CIDEA: variants seen among roughly 807,000 people sequenced by gnomAD.
CIDEA encodes the protein cell death inducing DFFA like effector a.
Under a neutral mutation model 18.2 loss-of-function variants are expected in CIDEA, and 10 were observed. The ratio of observed to expected loss-of-function variants is 0.55; its 90% CI spans 0.34 to 0.93. The LOEUF is 0.93. Among genes scored for constraint, CIDEA ranks in the 40% least tolerant of loss-of-function variants. CIDEA has a pLI of 0.02. For synonymous variants in CIDEA, 128 were observed against 124.8 expected (o/e 1.03, Z -0.17); for missense variants, 309 against 293.1 (o/e 1.05, Z -0.40).
intron 4 of CIDEA, among the ~76,000 whole-genome samples, chr18:12,275,993 C>CTT (rs149108439): frequency 0.014 from 1,867 of 129,620 alleles, 129 homozygotes; most frequent in African/African-American, 0.03. Flanking sequence ...TTTTTCTTTT[C>CTT]TTATTTTTTT....
rs781075039 is a variant in CIDEA at position 12,274,240 on chromosome 18, G to A, written c.478G>A (p.Asp160Asn). The stretch of plus-strand genomic sequence containing the variant: ...GTATGAGATGTACTCCGTGTCCTAC[G>A]ACATCCGGTGCACGGGACTCAAGGG... ...TMYEMYSVSY[D>N]IRCTGLKGLL... The change falls in exon 4 of 5, where the codon GAC (aspartate) becomes AAC (asparagine). Residue 160 changes from aspartate (D) to asparagine (N), a missense_variant. Transcript: ENST00000320477. The A allele has an allele frequency of 1.2e-5, 20 of 1,614,064 alleles. No homozygotes were observed. The highest frequency in any genetic ancestry group is 2.2e-5 in the East Asian group (1 of 44,896).
rs372096981 is a variant in CIDEA, at chr18:12,277,138, C to T, written c.528C>T (p.Phe176=). ...TCTGCCACAGGAGTCTGCTGCGGTT[C>T]CTGTCCTACTCCGCCCAGGTGACGG... ...LKGLLRSLLR[F]LSYSAQVTGQ... The change falls in exon 5 of 5, where the codon TTC becomes TTT. Residue 176 remains phenylalanine (F), a synonymous_variant. Transcript: ENST00000320477. 2 of 1,614,026 alleles carry T rather than the reference C, an allele frequency of 1.2e-6. No homozygotes were observed. The highest frequency in any genetic ancestry group is 1.7e-6 in the Non-Finnish European group (2 of 1,180,028).
chr18:12,263,935 A>T lies in CIDEA; in HGVS notation c.184-372A>T, dbSNP rs1912267894. 2 of 165,588 alleles carry T rather than the reference A, an allele frequency of 1.2e-5. 1 individual carries two copies. Among genetic ancestry groups the T allele is most frequent in the South Asian group, 4.1e-4 (2 of 4,936 alleles). The allele number at this position is 165,588 out of a possible 1,614,324, so 10.3% of individuals were successfully genotyped here. On this transcript the variant is annotated intron_variant, in intron 2 of 4. Coordinates refer to ENST00000320477, the MANE Select transcript of CIDEA (RefSeq NM_001279.4). ...TCATGTATCTTAAGAAGACAGATCC[A>T]TTAAAAATCTTAACTTCCCGGCCGC...
chr18:12,277,214 A>G lies in CIDEA; in HGVS notation c.604A>G (p.Lys202Glu), dbSNP rs1190651402. 6.2e-7 allele frequency: 1 copy of G among 1,614,060 alleles called. No homozygotes were observed. The highest frequency in any genetic ancestry group is 1.3e-5 in the African/African-American group (1 of 74,912). ...ATACATGCTCCGGGTGCTGGATGAC[A>G]AGGAAGAGCGGCCATCCCTCCGGTC... ...GTYMLRVLDD[K>E]EERPSLRSQA... is the part of the protein sequence containing the mutation. Residue 202 changes from lysine to glutamate, a missense_variant, in exon 5 of 5, where the codon AAG becomes GAG. Physicochemically the swap from Lys to Glu is moderately conservative, Grantham distance 56 (BLOSUM62 1). Coordinates refer to ENST00000320477, the MANE Select transcript of CIDEA (RefSeq NM_001279.4).
intron 3 of CIDEA, among the ~76,000 whole-genome samples, chr18:12,271,670 A>G (rs1225877366): frequency 6.6e-6 from 1 of 152,206 alleles, no homozygotes; most frequent in Admixed American, 6.5e-5. Context: ...GGTCGATGCC[A>G]CGGGTGTAGA....
chr18:12,260,726 G>C (rs938513416), intron 1 of CIDEA, among the ~76,000 whole-genome samples: 1 of 152,218 alleles, frequency 6.6e-6, no homozygotes, highest in African/African-American at 2.4e-5. Flanking sequence ...ATCCGTGCAG[G>C]TGTTCCCTAG....
At chr18:12,264,608 C>G (rs985600222) in intron 3 of CIDEA, among the ~76,000 whole-genome samples, 155 bp downstream of exon 3, 3 of 151,648 alleles carry the variant, frequency 2.0e-5, no homozygotes, top group South Asian at 2.1e-4. Flanking sequence ...GGCTGGAGTG[C>G]AGTGGCGCGA....
chr18:12,258,398 T>G (rs576277935), intron 1 of CIDEA, among the ~76,000 whole-genome samples: 1 of 152,236 alleles, frequency 6.6e-6, no homozygotes, highest in African/African-American at 2.4e-5. Flanking sequence ...GGGCTGGACC[T>G]AGCATTGGAA....
chr18:12,270,838 G>A (rs1489626395), intron 3 of CIDEA, among the ~76,000 whole-genome samples: 1 of 148,820 alleles, frequency 6.7e-6, no homozygotes, highest in Non-Finnish European at 1.5e-5. Context: ...CAAAAATAAT[G>A]CCCCCACAGA....
rs191158032 is a variant in CIDEA, at chr18:12,262,947, G to T, written c.161G>T (p.Ser54Ile). Residue 54 changes from serine to isoleucine, a missense_variant, in exon 2 of 5, where the codon AGC becomes ATC. By Grantham distance (142) the Ser-to-Ile change is moderately radical. Transcript: ENST00000320477. ...AGCCGGCGTGGGGTGATGGCAAGCA[G>T]CCTGCAGGAGCTCATCAGCAAGGTG... is the stretch of plus-strand genomic sequence containing the variant. ...RSSRRGVMAS[S>I]LQELISKTLD... The T allele has an allele frequency of 2.5e-6, 4 of 1,614,138 alleles. No homozygotes were observed. The highest frequency in any genetic ancestry group is 1.7e-5 in the Admixed American group (1 of 60,016).
intron 4 of CIDEA, 116 bp downstream of exon 4, chr18:12,274,390 A>C (rs1236192799): frequency 3.4e-6 from 3 of 879,820 alleles, no homozygotes; most frequent in East Asian, 5.1e-5. Flanking sequence ...TGTTAGGGGC[A>C]GTTGGAGTAA....
At chr18:12,267,537 C>T (rs923473359) in intron 3 of CIDEA, among the ~76,000 whole-genome samples, 2 of 150,864 alleles carry the variant, frequency 1.3e-5, no homozygotes, top group African/African-American at 4.8e-5. Context: ...TTAACGAGGA[C>T]CCCAAACAGC....
intron 3 of CIDEA, among the ~76,000 whole-genome samples, chr18:12,270,935 G>T (rs8083762): frequency 0.029 from 811 of 28,062 alleles, 11 homozygotes; most frequent in African/African-American, 0.092. Context: ...TTTTGCTTTT[G>T]TCGCCCAGGA....
chr18:12,260,342 A>AT (rs918941760), intron 1 of CIDEA, among the ~76,000 whole-genome samples: 8 of 147,728 alleles, frequency 5.4e-5, no homozygotes, highest in Admixed American at 1.4e-4. Context: ...CGCCTGACTA[A>AT]TTTTTTTTTT....
At chr18:12,265,022 A>G (rs953387285) in intron 3 of CIDEA, among the ~76,000 whole-genome samples, 13 of 152,212 alleles carry the variant, frequency 8.5e-5, no homozygotes, top group African/African-American at 2.2e-4. Context: ...GTGAGTAGCT[A>G]CAGATCCTGT....
intron 3 of CIDEA, among the ~76,000 whole-genome samples, chr18:12,266,070 T>A (rs8089520): frequency 0.78 from 118,356 of 151,466 alleles, 50,367 homozygotes; most frequent in Non-Finnish European, 0.95. Flanking sequence ...CCAAAAAAAA[T>A]TTTTTTAAGG....
At chr18:12,270,074 C>T (rs934858814) in intron 3 of CIDEA, among the ~76,000 whole-genome samples, 1 of 152,146 alleles carries the variant, frequency 6.6e-6, no homozygotes, top group African/African-American at 2.4e-5. Flanking sequence ...ATAAACTCCA[C>T]ATCAAATCAT....
intron 3 of CIDEA, among the ~76,000 whole-genome samples, 194 bp from the exon 4 acceptor site, chr18:12,273,899 C>T (rs115677206): frequency 0.017 from 2,566 of 152,314 alleles, 61 homozygotes; most frequent in African/African-American, 0.058. Context: ...ACAGACGCCT[C>T]GTGGCTAATT....
At chr18:12,265,149 A>G (rs972828862) in intron 3 of CIDEA, among the ~76,000 whole-genome samples, 1 of 152,238 alleles carries the variant, frequency 6.6e-6, no homozygotes, top group African/African-American at 2.4e-5. Context: ...GAATATGGAG[A>G]TTTAGAAAAG....
Sources: gnomAD v4.1 joint callset for allele counts (sites outside exome capture counted in the v4.1 genomes callset) on GRCh38, gnomAD v4.1.1 for gene constraint, MANE v1.5 for transcripts, NCBI Gene and HGNC (gene_info 2026-07-23, HGNC 2026-07-21) for gene names.